The following NAV2 variants were observed in gnomAD, a reference collection of about 807,000 sequenced individuals.
The protein encoded by NAV2 is neuron navigator 2, also known as helicase, APC down-regulated 1.
NAV2 carries 54 observed loss-of-function variants against 223.2 expected under a neutral mutation model. The observed-to-expected ratio is 0.24, with a 90% CI of 0.19 to 0.30. The LOEUF (loss-of-function observed/expected upper bound fraction) is 0.30, where lower values mean the gene tolerates loss of function less well. Ranked by LOEUF, NAV2 falls within the 10% of genes least tolerant of loss-of-function variation. The probability of loss-of-function intolerance (pLI) is 1.00; values close to 1 mark genes in which losing one functional copy is unlikely to be tolerated. For missense variants in NAV2, 2,806 were observed against 3,147.5 expected, an observed-to-expected ratio of 0.89 and a Z score of 2.60; for synonymous variants, 1,279 against 1,239.3, an observed-to-expected ratio of 1.03 and a Z score of -0.67.
chr11:19,680,634 T>C (rs7946125), intron 1 of NAV2, among the ~76,000 whole-genome samples: 18,652 of 152,134 alleles, frequency 0.12, 2,307 homozygotes, highest in African/African-American at 0.32. Context: ...GCTGTGCCCC[T>C]TTGGGAAAAT....
chr11:19,600,444 C>T (rs1037475125), intron 1 of NAV2, among the ~76,000 whole-genome samples: 4 of 152,238 alleles, frequency 2.6e-5, no homozygotes, highest in African/African-American at 9.6e-5. Flanking sequence ...AAAATTATAA[C>T]AGTTGCCAAT....
At chr11:19,910,737 A>T (rs1438732168) in intron 6 of NAV2, among the ~76,000 whole-genome samples, 1 of 152,142 alleles carries the variant, frequency 6.6e-6, no homozygotes, top group African/African-American at 2.4e-5. Flanking sequence ...ATGTGCCTGT[A>T]ATCCCAGCTA....
intron 1 of NAV2, chr11:19,507,363 G>T (rs917475354): frequency 1.3e-5 from 2 of 152,190 alleles, no homozygotes; most frequent in Admixed American, 1.3e-4. Flanking sequence ...CCTGGGACAA[G>T]GAATGATGTT....
intron 1 of NAV2, among the ~76,000 whole-genome samples, chr11:19,444,289 G>A (rs1851507238): frequency 6.6e-6 from 1 of 152,124 alleles, no homozygotes; most frequent in Non-Finnish European, 1.5e-5. Context: ...TGGTAGAAAT[G>A]GCTAGCTGTC....
intron 1 of NAV2, among the ~76,000 whole-genome samples, chr11:19,371,743 T>C (rs1309290132): frequency 6.6e-6 from 1 of 150,590 alleles, no homozygotes; most frequent in Non-Finnish European, 1.5e-5. Context: ...ACTATGCAAC[T>C]ATGCCTACCT....
At chr11:19,948,292 G>A (rs1361747676) in intron 9 of NAV2, among the ~76,000 whole-genome samples, 2 of 152,062 alleles carry the variant, frequency 1.3e-5, no homozygotes, top group Non-Finnish European at 2.9e-5. Flanking sequence ...CACCATGTTG[G>A]CCAGGATGGT....
At chr11:19,909,400 G>C (rs749722507) in intron 6 of NAV2, among the ~76,000 whole-genome samples, 10 of 152,202 alleles carry the variant, frequency 6.6e-5, no homozygotes, top group Non-Finnish European at 1.0e-4. Context: ...CCACAGCATA[G>C]ATAGAAGGCC....
intron 11 of NAV2, among the ~76,000 whole-genome samples, chr11:20,002,407 C>T (rs1163115341): frequency 1.3e-5 from 2 of 152,074 alleles, no homozygotes; most frequent in African/African-American, 2.4e-5. Flanking sequence ...AGGTCGTGAG[C>T]GACTAAAGGA....
intron 11 of NAV2, 107 bp from the exon 12 acceptor site, chr11:20,035,852 G>A: frequency 7.6e-7 from 1 of 1,323,246 alleles, no homozygotes; most frequent in South Asian, 1.4e-5. Flanking sequence ...GGGGCTTCAT[G>A]GCACAGATTG....
intron 32 of NAV2, among the ~76,000 whole-genome samples, chr11:20,101,955 T>A (rs2153700351): frequency 6.6e-6 from 1 of 152,308 alleles, no homozygotes; most frequent in Non-Finnish European, 1.5e-5. Flanking sequence ...GCCTTAAGGA[T>A]CACCTAGTGT....
At chr11:19,700,016 G>A (rs1043888565) in intron 1 of NAV2, among the ~76,000 whole-genome samples, 2 of 152,142 alleles carry the variant, frequency 1.3e-5, no homozygotes, top group Non-Finnish European at 2.9e-5. Context: ...ACTTAGTGTC[G>A]TAGCAATGGA....
intron 32 of NAV2, 145 bp downstream of exon 32, chr11:20,101,317 C>A: frequency 1.5e-6 from 1 of 649,248 alleles, no homozygotes; most frequent in South Asian, 2.0e-5. Flanking sequence ...CCAGAGGGGG[C>A]TAGCAGAAAA....
At chr11:19,407,172 A>G (rs566665628) in intron 1 of NAV2, among the ~76,000 whole-genome samples, 2 of 152,254 alleles carry the variant, frequency 1.3e-5, no homozygotes, top group South Asian at 2.1e-4. Flanking sequence ...TTCATTTCAT[A>G]AATAGTTTTG....
chr11:19,621,925 G>C (rs2047011109), intron 1 of NAV2, among the ~76,000 whole-genome samples: 1 of 152,076 alleles, frequency 6.6e-6, no homozygotes, highest in Non-Finnish European at 1.5e-5. Context: ...ACACTGCTTT[G>C]AATGTGTCCC....
intron 1 of NAV2, among the ~76,000 whole-genome samples, chr11:19,786,212 A>G (rs914422306): frequency 1.3e-4 from 20 of 152,212 alleles, no homozygotes; most frequent in African/African-American, 4.6e-4. Context: ...GTGCAGTTCC[A>G]GGATGTTTCA....
rs1345474052 is a variant in NAV2 at position 19,933,613 on chromosome 11, A to G, written c.1369A>G (p.Ser457Gly). The part of the protein sequence containing the change: ...RMLTTVGPAS[S>G]SPKIALKGIA... ...GCTCACCACCGTGGGCCCTGCTTCC[A>G]GCAGCCCCAAGATTGCACTCAAGGG... Residue 457 changes from serine (S) to glycine (G), a missense_variant, in exon 7 of 38, where the codon AGC (serine) becomes GGC (glycine). Ser to Gly is a moderately conservative substitution (Grantham distance 56). Coordinates refer to ENST00000349880, the MANE Select transcript of NAV2 (RefSeq NM_145117.5). The surrounding 1 kb of genome is among the most constrained non-coding windows in gnomAD (Gnocchi z 4.3). 1 of 1,614,078 alleles carries G rather than the reference A, an allele frequency of 6.2e-7. No homozygotes were observed. Among genetic ancestry groups the G allele is most frequent in the Admixed American group, 1.7e-5 (1 of 60,024 alleles).
intron 10 of NAV2, among the ~76,000 whole-genome samples, chr11:19,975,421 C>T (rs2049630327): frequency 6.6e-6 from 1 of 152,166 alleles, no homozygotes; most frequent in South Asian, 2.1e-4. Flanking sequence ...CTATTATAGG[C>T]CTTTCAAATT....
chr11:19,539,296 A>G (rs910383271), intron 1 of NAV2, among the ~76,000 whole-genome samples: 5 of 152,196 alleles, frequency 3.3e-5, no homozygotes, highest in Admixed American at 6.5e-5. Flanking sequence ...CTCGTTTTCA[A>G]AATTGATCTA....
chr11:19,556,529 A>G (rs2044898570), intron 1 of NAV2, among the ~76,000 whole-genome samples: 1 of 152,226 alleles, frequency 6.6e-6, no homozygotes. Flanking sequence ...TGATGAGCCT[A>G]TGGGCTTACC....
Sources: gnomAD v4.1 joint callset for allele counts (sites outside exome capture counted in the v4.1 genomes callset) on GRCh38, gnomAD v4.1.1 for gene constraint, Gnocchi (gnomAD v3.1) non-coding constraint, MANE v1.5 for transcripts, NCBI Gene and HGNC (gene_info 2026-07-23, HGNC 2026-07-21) for gene names.